WFDC9: variants seen among roughly 807,000 people sequenced by gnomAD.
WFDC9 encodes the protein protein WFDC9.
WFDC9 carries 9 observed loss-of-function variants against 9.5 expected under a neutral mutation model. The ratio of observed to expected loss-of-function variants is 0.95; its 90% CI spans 0.57 to 1.65. WFDC9 has a LOEUF of 1.65. Among genes scored for constraint, WFDC9 ranks in the 40% most tolerant of loss-of-function variants. WFDC9 has a pLI of 0.00. For missense variants in WFDC9, 87 were observed against 106.7 expected (o/e 0.82, Z 0.81); for synonymous variants, 33 against 32.3 (o/e 1.02, Z -0.07).
intron 1 of WFDC9, among the ~76,000 whole-genome samples, chr20:45,619,453 G>A (rs187868709): frequency 0.014 from 2,111 of 152,190 alleles, 88 homozygotes; most frequent in Admixed American, 0.097. Context: ...GTAAAATAAA[G>A]ACATTCCCAG....
At chr20:45,608,376 T>C (rs1271452457) in intron 4 of WFDC9, among the ~76,000 whole-genome samples, 1 of 152,128 alleles carries the variant, frequency 6.6e-6, no homozygotes, top group East Asian at 1.9e-4. Flanking sequence ...ACTAAGGGGT[T>C]AGTAATTGGA....
chr20:45,615,194 G>A (rs989527704), intron 1 of WFDC9, among the ~76,000 whole-genome samples: 7 of 152,130 alleles, frequency 4.6e-5, no homozygotes, highest in African/African-American at 7.2e-5. Context: ...AAAAGTAGAT[G>A]ACCACCTAAC....
intron 2 of WFDC9, among the ~76,000 whole-genome samples, chr20:45,613,654 C>G (rs1311652178): frequency 6.6e-6 from 1 of 152,012 alleles, no homozygotes; most frequent in Non-Finnish European, 1.5e-5. Context: ...AGAGTAGAAC[C>G]CCCACACACA....
chr20:45,609,306 C>T (rs1047816859), intron 3 of WFDC9, among the ~76,000 whole-genome samples: 6 of 151,830 alleles, frequency 4.0e-5, no homozygotes, highest in Non-Finnish European at 8.8e-5. Flanking sequence ...CGGGTTCAAG[C>T]GATTCTCCTG....
At chr20:45,626,048 C>G (rs1982212375) in intron 1 of WFDC9, among the ~76,000 whole-genome samples, 3 of 151,990 alleles carry the variant, frequency 2.0e-5, no homozygotes, top group Non-Finnish European at 4.4e-5. Context: ...TCTCGAACAC[C>G]TGACCTCATG....
chr20:45,628,072 C>T (rs1416431845), intron 1 of WFDC9, among the ~76,000 whole-genome samples: 1 of 152,174 alleles, frequency 6.6e-6, no homozygotes, highest in Non-Finnish European at 1.5e-5. Flanking sequence ...TATAGACCTT[C>T]TATATACCCA....
At position 45,607,953 on chromosome 20, in the gene WFDC9, CA is replaced by C. The variant is rs878888494; in HGVS notation, c.*156del. The C allele has an allele frequency of 5.4e-5, 44 of 811,796 alleles. 1 individual carries two copies. The South Asian group carries it at 6.0e-4, about 11-fold the overall frequency. 50.3% of individuals were successfully genotyped at this position (811,796 alleles called of 1,614,324 possible). A position where few individuals can be genotyped will look rare whatever the true frequency, so the allele number is the denominator to read the frequency against. On this transcript the variant is annotated 3_prime_UTR_variant, in exon 5 of 5. Coordinates refer to ENST00000326000, the MANE Select transcript of WFDC9 (RefSeq NM_147198.4). ...ATGCAGAGCCCTCAGGTTGATGTAG[CA>C]GTTTATTTGACAAAAGCTTCAGGGT...
intron 1 of WFDC9, chr20:45,629,726 C>CT: frequency 1.3e-6 from 2 of 1,493,760 alleles, no homozygotes; most frequent in Non-Finnish European, 1.8e-6. Context: ...ATCATTCCTT[C>CT]TTTCCTTCCT....
In WFDC9 at chr20:45,610,306, T is replaced by C. The variant is rs922014671; in HGVS notation, c.-58-67A>G. The C allele has an allele frequency of 6.4e-5, 48 of 745,974 alleles. 1 individual carries two copies. The highest frequency in any genetic ancestry group is 9.4e-5 in the Non-Finnish European group (43 of 456,236). 46.2% of individuals were successfully genotyped at this position (745,974 alleles called of 1,614,324 possible). On this transcript the variant is annotated intron_variant, in intron 2 of 4. Transcript: ENST00000326000. ...AACAGGGGTAAAGTGCTTATGACTA[T>C]CATGTTATTCTTTCCCTTTCTAGTA...
intron 1 of WFDC9, among the ~76,000 whole-genome samples, chr20:45,615,453 A>G (rs4812935): frequency 0.014 from 2,105 of 152,252 alleles, 88 homozygotes; most frequent in Admixed American, 0.097. Context: ...GTGACAGGAG[A>G]TGTCAATATA....
intron 1 of WFDC9, among the ~76,000 whole-genome samples, chr20:45,626,041 C>T (rs767579235): frequency 6.6e-6 from 1 of 151,774 alleles, no homozygotes; most frequent in East Asian, 1.9e-4. Context: ...AGGCTGATCT[C>T]GAACACCTGA....
At chr20:45,623,692 G>A (rs960902215) in intron 1 of WFDC9, among the ~76,000 whole-genome samples, 6 of 152,220 alleles carry the variant, frequency 3.9e-5, no homozygotes, top group African/African-American at 1.4e-4. Flanking sequence ...ACATAGTGAT[G>A]TTTCAATATG....
intron 3 of WFDC9, 40 bp from the exon 4 acceptor site, chr20:45,608,850 C>A: frequency 6.4e-7 from 1 of 1,567,954 alleles, no homozygotes; most frequent in Middle Eastern, 1.7e-4. Flanking sequence ...CTATTCACAA[C>A]TCAGACAAGA....
intron 1 of WFDC9, among the ~76,000 whole-genome samples, chr20:45,625,928 T>C (rs1214937335): frequency 1.3e-5 from 2 of 149,672 alleles, no homozygotes; most frequent in Non-Finnish European, 3.0e-5. Flanking sequence ...GTGATTCTCC[T>C]GCCTCAGCCT....
At chr20:45,618,940 T>A (rs1291820401) in intron 1 of WFDC9, among the ~76,000 whole-genome samples, 1 of 152,178 alleles carries the variant, frequency 6.6e-6, no homozygotes, top group Non-Finnish European at 1.5e-5. Context: ...AAAAATTAAT[T>A]AATAAAGCAA....
chr20:45,617,589 G>A (rs1035772388), intron 1 of WFDC9, among the ~76,000 whole-genome samples: 4 of 152,072 alleles, frequency 2.6e-5, no homozygotes, highest in African/African-American at 7.2e-5. Flanking sequence ...CAAACTCCCC[G>A]CTCCAAGCGA....
At position 45,619,201 on chromosome 20, in the gene WFDC9, G is replaced by C. The variant is rs570012524; in HGVS notation, c.-152-4480C>G. On this transcript the variant is annotated intron_variant, in intron 1 of 4. Coordinates refer to ENST00000326000, the MANE Select transcript of WFDC9 (RefSeq NM_147198.4). ...ATATGGCAGCAAAATGATGTTCCAT[G>C]CATGACGATCATAGTCTTTTGCTCT... Among the ~76,000 whole-genome samples the C allele has an allele frequency of 2.6e-5, 4 of 152,276 alleles. No individual in the cohort carries two copies. The East Asian group carries it at 7.7e-4, about 29-fold the overall frequency.
intron 2 of WFDC9, among the ~76,000 whole-genome samples, chr20:45,611,008 G>T (rs1981848898): frequency 6.6e-6 from 1 of 152,164 alleles, no homozygotes; most frequent in Non-Finnish European, 1.5e-5. Flanking sequence ...CTTTAAATCT[G>T]GCCAAAGCGG....
chr20:45,620,689 C>G (rs4812936), intron 1 of WFDC9, among the ~76,000 whole-genome samples: 2,112 of 152,164 alleles, frequency 0.014, 89 homozygotes, highest in Admixed American at 0.098. Context: ...CACATATATA[C>G]AATTGTTAAG....
Sources: gnomAD v4.1 joint callset for allele counts (sites outside exome capture counted in the v4.1 genomes callset) on GRCh38, gnomAD v4.1.1 for gene constraint, MANE v1.5 for transcripts, NCBI Gene and HGNC (gene_info 2026-07-23, HGNC 2026-07-21) for gene names.